RPL5: variants seen among roughly 807,000 people sequenced by gnomAD.
RPL5 encodes the protein ribosomal protein L5, also known as large ribosomal subunit protein uL18.
A neutral mutation model predicts 38.4 loss-of-function variants in RPL5; 1 was observed. The observed-to-expected ratio is 0.03, with a 90% CI of 0.01 to 0.12. The LOEUF is 0.12. Ranked by LOEUF, RPL5 falls within the 10% of genes least tolerant of loss-of-function variation. RPL5 has a pLI of 1.00. For synonymous variants in RPL5, 109 were observed against 121.2 expected (o/e 0.90, Z 0.66); for missense variants, 243 against 374.1 (o/e 0.65, Z 2.89).
chr1:92,838,576 G>T (rs1336519919), intron 6 of RPL5, among the ~76,000 whole-genome samples: 1 of 152,118 alleles, frequency 6.6e-6, no homozygotes, highest in Non-Finnish European at 1.5e-5. Flanking sequence ...TATTTTTCTA[G>T]CTGGCTCATT....
At chr1:92,841,742 A>AAT (rs1553122868) in intron 7 of RPL5, 24 bp from the exon 8 acceptor site, 1 of 1,513,166 alleles carries the variant, frequency 6.6e-7, no homozygotes, top group Non-Finnish European at 9.1e-7. Flanking sequence ...TAGTTTAAAA[A>AAT]ATATATATTC....
chr1:92,840,933 A>G, intron 7 of RPL5: 1 of 505,814 alleles, frequency 2.0e-6, no homozygotes, highest in Non-Finnish European at 3.8e-6. Context: ...TAAATGGAAT[A>G]GAAAGTAATA....
At chr1:92,841,271 G>A (rs1159939959) in intron 7 of RPL5, among the ~76,000 whole-genome samples, 2 of 152,160 alleles carry the variant, frequency 1.3e-5, no homozygotes, top group Admixed American at 1.3e-4. Context: ...TGAATATGAA[G>A]TATTTGTCTT....
At chr1:92,838,928 G>A (rs929963614) in intron 6 of RPL5, among the ~76,000 whole-genome samples, 1 of 151,362 alleles carries the variant, frequency 6.6e-6, no homozygotes, top group African/African-American at 2.4e-5. Flanking sequence ...GCAAATGCAT[G>A]TAGTAATCAC....
At position 92,832,095 on chromosome 1, in the gene RPL5, G is replaced by C. The variant is rs2100672355; in HGVS notation, c.-20G>C. The C allele has an allele frequency of 6.2e-7, 1 of 1,614,020 alleles. No individual in the cohort carries two copies. Among genetic ancestry groups the C allele is most frequent in the Non-Finnish European group, 8.5e-7 (1 of 1,179,966 alleles). ...TGCAGGTCTCTGTCGAGCAGCGGACGCCGGTCTCTGTTCCGCAGGATGGTG... is the reference window on the plus strand; with the variant it reads ...TGCAGGTCTCTGTCGAGCAGCGGACCCCGGTCTCTGTTCCGCAGGATGGTG... On this transcript the variant is annotated 5_prime_UTR_variant, in exon 1 of 8. Transcript: ENST00000370321.
chr1:92,838,126 G>T (rs959838881), intron 6 of RPL5, among the ~76,000 whole-genome samples: 1 of 152,158 alleles, frequency 6.6e-6, no homozygotes, highest in African/African-American at 2.4e-5. Flanking sequence ...CCTGACCCAG[G>T]TTCTTTTTCG....
intron 6 of RPL5, 61 bp from the exon 7 acceptor site, chr1:92,840,490 G>A (rs935244759): frequency 2.5e-6 from 3 of 1,178,992 alleles, no homozygotes; most frequent in Non-Finnish European, 2.5e-6. Context: ...AGTTATGGTT[G>A]CATTAATATA....
chr1:92,835,504 A>G (rs975012467), intron 4 of RPL5, among the ~76,000 whole-genome samples: 84 of 151,558 alleles, frequency 5.5e-4, no homozygotes, highest in Non-Finnish European at 1.1e-3. Context: ...AAAGTAGAAA[A>G]AAAAAAAAAG....
chr1:92,838,200 T>A (rs1366201299), intron 6 of RPL5, among the ~76,000 whole-genome samples: 1 of 152,198 alleles, frequency 6.6e-6, no homozygotes, highest in Non-Finnish European at 1.5e-5. Context: ...AAAACAGTAG[T>A]TGGGAAATGA....
rs1246805392 is a variant in RPL5, at chr1:92,841,899, G to C, written c.*34G>C. On this transcript the variant is annotated 3_prime_UTR_variant, in exon 8 of 8. Transcript: ENST00000370321. The stretch of plus-strand genomic sequence containing the variant: ...ATTTTCTATGATTTTTTCAGATATA[G>C]ATAATAAACTTATGAACAGCAACTA... 1 of 1,503,814 alleles carries C rather than the reference G, an allele frequency of 6.6e-7. No homozygotes were observed. The highest frequency in any genetic ancestry group is 9.2e-7 in the Non-Finnish European group (1 of 1,082,822). The allele number at this position is 1,503,814 out of a possible 1,614,324, so 93.2% of individuals were successfully genotyped here. A position where few individuals can be genotyped will look rare whatever the true frequency, so the allele number is the denominator to read the frequency against.
rs761310681 is a variant in RPL5, at chr1:92,834,874, T to C, written c.285T>C (p.Tyr95=). The C allele has an allele frequency of 3.1e-6, 5 of 1,604,558 alleles. No homozygotes were observed. In the African/African-American group the frequency reaches 4.0e-5, roughly 13 times the overall value. The change falls in exon 4 of 8, where the codon TAT becomes TAC. Residue 95 remains tyrosine, a synonymous_variant. Transcript: ENST00000370321. ...KYGVKVGLTN[Y]AAAYCTGLLL... ...GTGTGAAGGTTGGCCTGACAAATTA[T>C]GCTGCAGCATATTGTACTGGCCTGC...
chr1:92,834,909 G>A lies in RPL5; in HGVS notation c.320G>A (p.Arg107His), dbSNP rs751845365. The change falls in exon 4 of 8, where the codon CGC becomes CAC. Residue 107 changes from arginine (R) to histidine (H), a missense_variant. By Grantham distance (29) the Arg-to-His change is conservative. Coordinates refer to ENST00000370321, the MANE Select transcript of RPL5 (RefSeq NM_000969.5). ...TATTGTACTGGCCTGCTGCTGGCCC[G>A]CAGGGTATGTACAAGATGATTTTAA... is the stretch of plus-strand genomic sequence containing the variant. ...AAYCTGLLLA[R>H]RLLNRFGMDK... is the part of the protein sequence containing the mutation. 1.2e-5 allele frequency: 20 copies of A among 1,600,938 alleles called. No individual in the cohort carries two copies. Among genetic ancestry groups the A allele is most frequent in the East Asian group, 2.2e-5 (1 of 44,884 alleles).
At chr1:92,835,505 A>G (rs1468496561) in intron 4 of RPL5, among the ~76,000 whole-genome samples, 1 of 151,560 alleles carries the variant, frequency 6.6e-6, no homozygotes, top group East Asian at 1.9e-4. Context: ...AAGTAGAAAA[A>G]AAAAAAAAGC....
chr1:92,838,019 G>A (rs1687194254), intron 6 of RPL5, among the ~76,000 whole-genome samples: 3 of 152,202 alleles, frequency 2.0e-5, no homozygotes, highest in Non-Finnish European at 2.9e-5. Flanking sequence ...CAGGAAAAGA[G>A]ATTTGATCAC....
chr1:92,832,749 A>C, intron 1 of RPL5: 4 of 450,488 alleles, frequency 8.9e-6, no homozygotes, highest in East Asian at 3.7e-5. Context: ...TTATTGGGGT[A>C]GGGCCCCAAG....
rs763982728 is a variant in RPL5 at position 92,832,094 on chromosome 1, C to T, written c.-21C>T. On this transcript the variant is annotated 5_prime_UTR_variant, in exon 1 of 8. In the 5' UTR this introduces an upstream ATG that the reference lacks. Coordinates refer to ENST00000370321, the MANE Select transcript of RPL5 (RefSeq NM_000969.5). ...CTGCAGGTCTCTGTCGAGCAGCGGA[C>T]GCCGGTCTCTGTTCCGCAGGATGGT... The T allele has an allele frequency of 1.2e-5, 19 of 1,613,912 alleles. No individual in the cohort carries two copies. The highest frequency in any genetic ancestry group is 1.6e-5 in the Non-Finnish European group (19 of 1,179,966).
chr1:92,836,342 T>A lies in RPL5; in HGVS notation c.477T>A (p.Val159=). 3 of 1,614,132 alleles carry A rather than the reference T, an allele frequency of 1.9e-6. No individual in the cohort carries two copies. Among genetic ancestry groups the A allele is most frequent in the Non-Finnish European group, 8.5e-7 (1 of 1,180,020 alleles). ...CCAGAACTACCACTGGCAATAAAGT[T>A]TTTGGTGCCCTGAAGGGAGCTGTGG... ...GLARTTTGNK[V]FGALKGAVDG... The change falls in exon 5 of 8, where the codon GTT becomes GTA. Residue 159 remains valine (V), a synonymous_variant. Coordinates refer to ENST00000370321, the MANE Select transcript of RPL5 (RefSeq NM_000969.5).
chr1:92,833,308 A>C, intron 1 of RPL5, 81 bp from the exon 2 acceptor site: 1 of 1,151,000 alleles, frequency 8.7e-7, no homozygotes, highest in Non-Finnish European at 1.3e-6. Flanking sequence ...TTCAAGTGTT[A>C]CTTTGTTACA....
rs1687116560 is a variant in RPL5 at position 92,836,174 on chromosome 1, T to C, written c.325-16T>C. The stretch of plus-strand genomic sequence containing the variant: ...TGAATAATTGAAACCAGCATTTACA[T>C]TGGTTTCTTGAATAGCTTCTCAATA... On this transcript the variant is annotated splice_polypyrimidine_tract_variant and intron_variant, in intron 4 of 7. Coordinates refer to ENST00000370321, the MANE Select transcript of RPL5 (RefSeq NM_000969.5). 6.2e-7 allele frequency: 1 copy of C among 1,603,934 alleles called. No homozygotes were observed. Among genetic ancestry groups the C allele is most frequent in the African/African-American group, 1.3e-5 (1 of 74,828 alleles).
Sources: allele counts gnomAD v4.1 joint callset (sites outside exome capture counted in the v4.1 genomes callset), GRCh38; gene constraint gnomAD v4.1.1; transcripts MANE v1.5; gene names NCBI Gene and HGNC (gene_info 2026-07-23, HGNC 2026-07-21).